The following SLC4A4 variants were observed in gnomAD, a reference collection of about 807,000 sequenced individuals.
The protein encoded by SLC4A4 is solute carrier family 4 member 4.
A neutral mutation model predicts 111.5 loss-of-function variants in SLC4A4; 27 were observed. The observed-to-expected ratio is 0.24, with a 90% CI of 0.18 to 0.33. The LOEUF is 0.33. Among genes scored for constraint, SLC4A4 ranks in the 10% least tolerant of loss-of-function variants. SLC4A4 has a pLI of 1.00. For synonymous variants in SLC4A4, 443 were observed against 463.4 expected (o/e 0.96, Z 0.57); for missense variants, 909 against 1,315.5 (o/e 0.69, Z 4.78).
At chr4:71,340,554 G>T (rs912826267) in intron 4 of SLC4A4, among the ~76,000 whole-genome samples, 1 of 152,126 alleles carries the variant, frequency 6.6e-6, no homozygotes, top group Non-Finnish European at 1.5e-5. Context: ...TTCACTGGGG[G>T]TCTTGGAATG....
At chr4:71,367,691 A>T (rs1731455623) in intron 6 of SLC4A4, among the ~76,000 whole-genome samples, 1 of 152,216 alleles carries the variant, frequency 6.6e-6, no homozygotes, top group African/African-American at 2.4e-5. Flanking sequence ...TATGGGAAAC[A>T]ATTAAAAATT....
At chr4:71,418,988 C>T (rs1358738025) in intron 7 of SLC4A4, among the ~76,000 whole-genome samples, 5 of 152,154 alleles carry the variant, frequency 3.3e-5, no homozygotes, top group African/African-American at 4.8e-5. Flanking sequence ...GTATCCGCAG[C>T]GGTGTTTGCA....
intron 1 of SLC4A4, 133 bp from the exon 2 acceptor site, chr4:71,236,443 C>G: frequency 1.2e-6 from 1 of 836,530 alleles, no homozygotes; most frequent in Admixed American, 2.2e-5. Context: ...TAGCAGACAC[C>G]AGAAGAAGAG....
At chr4:71,078,207 A>G (rs774290842) in intron 1 of SLC4A4, among the ~76,000 whole-genome samples, 7 of 152,128 alleles carry the variant, frequency 4.6e-5, no homozygotes, top group Non-Finnish European at 8.8e-5. Flanking sequence ...TGAATGTACA[A>G]TTAGCATTCA....
At chr4:71,276,551 G>A (rs2149086511) in intron 3 of SLC4A4, among the ~76,000 whole-genome samples, 1 of 149,820 alleles carries the variant, frequency 6.7e-6, no homozygotes, top group East Asian at 1.9e-4. Flanking sequence ...AAATCATATG[G>A]TATGTGAATC....
At chr4:71,334,241 C>G (rs1185806778) in intron 3 of SLC4A4, among the ~76,000 whole-genome samples, 1 of 151,958 alleles carries the variant, frequency 6.6e-6, no homozygotes, top group Non-Finnish European at 1.5e-5. Context: ...TGAATCTTGC[C>G]AAGACTGGGT....
chr4:71,460,614 A>G (rs2149090631), intron 12 of SLC4A4, among the ~76,000 whole-genome samples: 1 of 152,270 alleles, frequency 6.6e-6, no homozygotes, highest in East Asian at 1.9e-4. Context: ...ATCTGTCAGG[A>G]CAGAAATCAC....
intron 2 of SLC4A4, among the ~76,000 whole-genome samples, chr4:71,104,146 C>G (rs1358975192): frequency 3.3e-5 from 1 of 30,154 alleles, no homozygotes; most frequent in Admixed American, 3.9e-4. Flanking sequence ...ACAAACACCT[C>G]TACGCAAATA....
At chr4:71,313,223 G>T (rs533459551) in intron 3 of SLC4A4, among the ~76,000 whole-genome samples, 100 of 152,270 alleles carry the variant, frequency 6.6e-4, no homozygotes, top group African/African-American at 2.4e-3. Context: ...ACTTACAAGG[G>T]ACATGAAGGA....
intron 18 of SLC4A4, among the ~76,000 whole-genome samples, chr4:71,541,524 TAG>T (rs1012523634): frequency 6.6e-6 from 1 of 152,102 alleles, no homozygotes; most frequent in Non-Finnish European, 1.5e-5. Flanking sequence ...TAGGGATTTG[TAG>T]AGTTTCTGGA....
intron 1 of SLC4A4, among the ~76,000 whole-genome samples, chr4:71,232,663 C>T (rs191275250): frequency 1.2e-4 from 19 of 152,286 alleles, no homozygotes; most frequent in South Asian, 4.1e-4. Context: ...TCCTCCCACT[C>T]GGCCTCCCAA....
chr4:71,297,501 CACAG>C (rs1724886781), intron 3 of SLC4A4, among the ~76,000 whole-genome samples: 2 of 136,468 alleles, frequency 1.5e-5, no homozygotes, highest in South Asian at 2.3e-4. Flanking sequence ...GATACACACA[CACAG>C]ACAAACACAC....
chr4:71,325,889 G>A (rs1330993006), intron 3 of SLC4A4, among the ~76,000 whole-genome samples: 1 of 151,924 alleles, frequency 6.6e-6, no homozygotes, highest in African/African-American at 2.4e-5. Flanking sequence ...GTGTGTTTGT[G>A]TGTATGTGTG....
intron 3 of SLC4A4, among the ~76,000 whole-genome samples, chr4:71,282,735 A>G (rs1723621115): frequency 6.6e-6 from 1 of 150,922 alleles, no homozygotes; most frequent in South Asian, 2.1e-4. Context: ...GGTGTGTGCC[A>G]CCACATCTGG....
intron 7 of SLC4A4, among the ~76,000 whole-genome samples, chr4:71,416,992 T>G (rs1160357423): frequency 6.6e-6 from 1 of 152,194 alleles, no homozygotes; most frequent in Non-Finnish European, 1.5e-5. Context: ...CTTTGCTTCT[T>G]ACTAGCGACC....
chr4:71,200,393 G>A (rs1746194343), intron 1 of SLC4A4, among the ~76,000 whole-genome samples: 1 of 152,116 alleles, frequency 6.6e-6, no homozygotes, highest in Non-Finnish European at 1.5e-5. Flanking sequence ...AAAATGAGTT[G>A]CACACATTTC....
intron 3 of SLC4A4, chr4:71,301,000 GC>G: frequency 2.2e-6 from 1 of 453,988 alleles, no homozygotes; most frequent in South Asian, 1.7e-5. Context: ...CAGAGTGGGG[GC>G]CCCCTACAGC....
chr4:71,461,818 A>G (rs1043925799), intron 12 of SLC4A4, among the ~76,000 whole-genome samples: 3 of 152,100 alleles, frequency 2.0e-5, no homozygotes, highest in African/African-American at 7.2e-5. Flanking sequence ...ATATTCACAA[A>G]TGTTTTTGGA....
At chr4:71,328,348 G>A (rs1727667012) in intron 3 of SLC4A4, among the ~76,000 whole-genome samples, 1 of 152,066 alleles carries the variant, frequency 6.6e-6, no homozygotes, top group African/African-American at 2.4e-5. Flanking sequence ...CATATACCTA[G>A]CGGTGGGATT....
Sources: gnomAD v4.1 joint callset for allele counts (sites outside exome capture counted in the v4.1 genomes callset) on GRCh38, gnomAD v4.1.1 for gene constraint, MANE v1.5 for transcripts, NCBI Gene and HGNC (gene_info 2026-07-23, HGNC 2026-07-21) for gene names.